The following SHISA9 variants were observed in gnomAD, a reference collection of about 807,000 sequenced individuals.
SHISA9 encodes shisa family member 9.
SHISA9 carries 13 observed loss-of-function variants against 38.0 expected under a neutral mutation model. The observed-to-expected ratio is 0.34, with a 90% confidence interval of 0.22 to 0.54. The LOEUF (loss-of-function observed/expected upper bound fraction) is 0.54. SHISA9 is among the 20% of genes least tolerant of loss of function. The pLI is 0.91. For synonymous variants in SHISA9, 275 were observed against 242.0 expected (o/e 1.14, Z -1.27); for missense variants, 538 against 575.8 (o/e 0.93, Z 0.67).
chr16:13,169,607 A>T (rs1198378626), intron 2 of SHISA9, among the ~76,000 whole-genome samples: 3 of 152,244 alleles, frequency 2.0e-5, no homozygotes, highest in Non-Finnish European at 4.4e-5. Context: ...TAGGCAGCTG[A>T]TGTATCATTT....
At chr16:12,943,751 A>G (rs1220125915) in intron 2 of SHISA9, among the ~76,000 whole-genome samples, 2 of 152,114 alleles carry the variant, frequency 1.3e-5, no homozygotes, top group Non-Finnish European at 1.5e-5. Context: ...TGCCTGTTAG[A>G]AAACACCCTG....
Position 13,153,218 on chromosome 16 carries a change from G to A in SHISA9, c.692-50176G>A, listed in dbSNP as rs28412207. Among the ~76,000 whole-genome samples the A allele has an allele frequency of 7.4e-3, 1,119 of 152,054 alleles. 18 individuals carry two copies. Among genetic ancestry groups the A allele is most frequent in the African/African-American group, 0.025 (1,038 of 41,468 alleles). On this transcript the variant is annotated intron_variant, in intron 2 of 4. Coordinates refer to ENST00000558583, the MANE Select transcript of SHISA9 (RefSeq NM_001145204.3). The stretch of plus-strand genomic sequence containing the variant: ...AATCTGTGTTGTTTTAAGCCACTAA[G>A]TTTGTGGTAGTTTGTCACAGCCAAC...
intron 2 of SHISA9, among the ~76,000 whole-genome samples, chr16:13,019,896 T>C (rs1215739350): frequency 1.3e-3 from 37 of 29,114 alleles, no homozygotes; most frequent in African/African-American, 1.6e-3. Context: ...TCTTTCTTTC[T>C]TTCTTTCTTT....
chr16:13,413,493 C>T, the SHISA9 span, among the ~76,000 whole-genome samples: 1 of 152,050 alleles, frequency 6.6e-6, no homozygotes, highest in African/African-American at 2.4e-5. Context: ...CAGTGGCTCA[C>T]GCCTGCAATC....
At chr16:13,315,336 AGGACGTAGCATAGTGT>A in the SHISA9 span, among the ~76,000 whole-genome samples, 1 of 152,240 alleles carries the variant, frequency 6.6e-6, no homozygotes, top group Non-Finnish European at 1.5e-5. Context: ...TGTATGTCAA[AGGACGTAGCATAGTGT>A]GTGGCACATG....
At chr16:13,322,182 G>A in the SHISA9 span, among the ~76,000 whole-genome samples, 1 of 152,180 alleles carries the variant, frequency 6.6e-6, no homozygotes, top group Non-Finnish European at 1.5e-5. Context: ...TGCCTTAACT[G>A]AGTTCAGCCA....
chr16:13,427,222 C>T, the SHISA9 span, among the ~76,000 whole-genome samples: 3 of 152,152 alleles, frequency 2.0e-5, no homozygotes, highest in Non-Finnish European at 4.4e-5. Flanking sequence ...CAGAGTCACA[C>T]GTCAAAGAGA....
At chr16:12,946,367 G>A (rs2071688457) in intron 2 of SHISA9, among the ~76,000 whole-genome samples, 1 of 152,156 alleles carries the variant, frequency 6.6e-6, no homozygotes, top group Non-Finnish European at 1.5e-5. Flanking sequence ...AAGCATAAGG[G>A]AACCAAGTAA....
chr16:13,007,369 A>G (rs1271550825), intron 2 of SHISA9, among the ~76,000 whole-genome samples: 1 of 152,084 alleles, frequency 6.6e-6, no homozygotes, highest in African/African-American at 2.4e-5. Context: ...ATAGGCCTCT[A>G]GTCCTGAAGT....
At chr16:13,141,219 G>A (rs904011321) in intron 2 of SHISA9, among the ~76,000 whole-genome samples, 50 of 151,830 alleles carry the variant, frequency 3.3e-4, no homozygotes, top group African/African-American at 9.9e-4. Context: ...TTTTTTCTAC[G>A]CAGGTTTTTT....
chr16:12,921,309 G>T (rs1455095499), intron 2 of SHISA9, among the ~76,000 whole-genome samples: 1 of 152,160 alleles, frequency 6.6e-6, no homozygotes, highest in East Asian at 1.9e-4. Flanking sequence ...ACTCTCCTAG[G>T]ACAGTTCCCA....
the SHISA9 span, among the ~76,000 whole-genome samples, chr16:13,505,819 G>C: frequency 6.6e-6 from 1 of 152,166 alleles, no homozygotes. Flanking sequence ...CCTGGGTCTG[G>C]GTTGGTTGCA....
chr16:13,058,122 C>G (rs2073331469), intron 2 of SHISA9, among the ~76,000 whole-genome samples: 1 of 152,156 alleles, frequency 6.6e-6, no homozygotes, highest in Non-Finnish European at 1.5e-5. Flanking sequence ...GATTCTGATG[C>G]AATAGGGCTG....
At chr16:13,166,465 C>A (rs887792563) in intron 2 of SHISA9, among the ~76,000 whole-genome samples, 1 of 152,224 alleles carries the variant, frequency 6.6e-6, no homozygotes, top group Non-Finnish European at 1.5e-5. Flanking sequence ...ATTGGAGAGA[C>A]TTTTCCTAGC....
At chr16:13,068,760 G>C (rs2073464480) in intron 2 of SHISA9, among the ~76,000 whole-genome samples, 1 of 151,992 alleles carries the variant, frequency 6.6e-6, no homozygotes, top group Admixed American at 6.5e-5. Flanking sequence ...GTGCATTCAT[G>C]TGTGTATGTG....
rs566726820 is a variant in SHISA9 at position 13,145,113 on chromosome 16, C to T, written c.692-58281C>T. On this transcript the variant is annotated intron_variant, in intron 2 of 4. Transcript: ENST00000558583. ...TTGCCAGGTGGCTTGCAGACCCTATCGCAGGGATGAGAGATACAGAGGATT... is the reference window on the plus strand; with the variant it reads ...TTGCCAGGTGGCTTGCAGACCCTATTGCAGGGATGAGAGATACAGAGGATT... Among the ~76,000 whole-genome samples, 333 of 152,254 alleles carry T rather than the reference C, an allele frequency of 2.2e-3. 3 individuals carry two copies. The highest frequency in any genetic ancestry group is 3.4e-3 in the Non-Finnish European group (232 of 68,026).
At chr16:13,226,550 A>G (rs1373500900) in intron 4 of SHISA9, among the ~76,000 whole-genome samples, 1 of 152,224 alleles carries the variant, frequency 6.6e-6, no homozygotes, top group African/African-American at 2.4e-5. Flanking sequence ...AAGCTTTTGC[A>G]AATGCTGTCA....
chr16:13,050,345 T>A (rs1207892873), intron 2 of SHISA9, among the ~76,000 whole-genome samples: 2 of 152,146 alleles, frequency 1.3e-5, no homozygotes, highest in South Asian at 2.1e-4. Flanking sequence ...AAATTTGAGA[T>A]GAAATTAAAT....
chr16:12,908,217 G>A (rs950719064), intron 1 of SHISA9, among the ~76,000 whole-genome samples: 6 of 152,014 alleles, frequency 3.9e-5, no homozygotes, highest in East Asian at 1.9e-4. Flanking sequence ...TCTGGATCTC[G>A]GTTACTAACC....
Sources: allele counts gnomAD v4.1 joint callset (sites outside exome capture counted in the v4.1 genomes callset), GRCh38; gene constraint gnomAD v4.1.1; transcripts MANE v1.5; gene names NCBI Gene and HGNC (gene_info 2026-07-23, HGNC 2026-07-21).